The following MCM4 variants were observed in gnomAD, a reference collection of about 807,000 sequenced individuals.
MCM4 encodes the protein DNA replication licensing factor MCM4.
A neutral mutation model predicts 88.7 loss-of-function variants in MCM4; 60 were observed. The observed-to-expected ratio is 0.68, with a 90% CI of 0.55 to 0.84. The LOEUF is 0.84. Among genes scored for constraint, MCM4 ranks in the 40% least tolerant of loss-of-function variants. MCM4 has a pLI of 0.00. For missense variants in MCM4, 1,149 were observed against 1,105.5 expected, an observed-to-expected ratio of 1.04 and a Z score of -0.56; for synonymous variants, 465 against 410.5, an observed-to-expected ratio of 1.13 and a Z score of -1.61.
In MCM4 at chr8:47,961,170, G is replaced by T; in HGVS notation, c.26G>T (p.Ser9Ile). The T allele has an allele frequency of 6.4e-7, 1 of 1,551,458 alleles. No homozygotes were observed. ...ATGTCGTCCCCGGCGTCGACCCCGA[G>T]CCGCCGCGGCAGCCGGCGTGGAAGG... MSSPASTP[S>I]RRGSRRGRAT... Residue 9 changes from serine (S) to isoleucine (I), a missense_variant, in exon 2 of 17, where the codon AGC becomes ATC. Ser to Ile is a moderately radical substitution (Grantham distance 142). This residue lies in a region of MCM4 where 906 missense variants were observed against 843.0 expected (regional missense o/e 1.07). Transcript: ENST00000649973.
chr8:47,971,543 C>G (rs1344046013), intron 13 of MCM4, 75 bp downstream of exon 13: 10 of 1,474,524 alleles, frequency 6.8e-6, no homozygotes, highest in Non-Finnish European at 8.5e-6. Context: ...ACTAAGATTT[C>G]AGCAACTGCT....
intron 10 of MCM4, 90 bp from the exon 11 acceptor site, chr8:47,969,708 C>T (rs2090933475): frequency 1.5e-6 from 2 of 1,375,286 alleles, no homozygotes; most frequent in South Asian, 2.5e-5. Context: ...GTGCCTCGCT[C>T]TGAAGTGCAC....
intron 8 of MCM4, 99 bp downstream of exon 8, chr8:47,964,811 G>A: frequency 2.0e-6 from 2 of 1,020,810 alleles, no homozygotes; most frequent in Non-Finnish European, 1.4e-6. Context: ...GTAATTGGCG[G>A]TGGTAGTCAA....
At position 47,962,224 on chromosome 8, in the gene MCM4, T is replaced by C. The variant is rs1213463445; in HGVS notation, c.399+8T>C. On this transcript the variant is annotated splice_region_variant and intron_variant, in intron 4 of 16. Transcript: ENST00000649973. ...GATCTGCAGTCTGACGGGGTGAGTA[T>C]GCAGTCTCCTGAAACCATCTTATGG... 6.2e-7 allele frequency: 1 copy of C among 1,614,174 alleles called. No individual in the cohort carries two copies. Among genetic ancestry groups the C allele is most frequent in the Non-Finnish European group, 8.5e-7 (1 of 1,180,024 alleles).
chr8:47,961,582 G>A lies in MCM4; in HGVS notation c.137G>A (p.Gly46Glu). 3 of 1,614,192 alleles carry A rather than the reference G, an allele frequency of 1.9e-6. No individual in the cohort carries two copies. Among genetic ancestry groups the A allele is most frequent in the Non-Finnish European group, 2.5e-6 (3 of 1,180,036 alleles). ...AGAGGCGAGGATTCCACCTCCACGG[G>A]GGAGTTGCAGCCGATGCCAACCTCG... ...RRRGEDSTSTGELQPMPTSPG... is the reference protein window; with the variant it reads ...RRRGEDSTSTEELQPMPTSPG... The change falls in exon 3 of 17, where the codon GGG (glycine) becomes GAG (glutamate). Residue 46 changes from glycine (G) to glutamate (E), a missense_variant. Gly to Glu is a moderately conservative substitution (Grantham distance 98). This residue lies in a region of MCM4 where 906 missense variants were observed against 843.0 expected (regional missense o/e 1.07). Coordinates refer to ENST00000649973, the MANE Select transcript of MCM4 (RefSeq NM_182746.3).
chr8:47,971,232 A>G, intron 12 of MCM4, 109 bp from the exon 13 acceptor site: 1 of 1,317,538 alleles, frequency 7.6e-7, no homozygotes. Flanking sequence ...CTCAGGCAAT[A>G]GAAACTCAGT....
intron 14 of MCM4, chr8:47,974,408 C>T (rs1436480759): frequency 1.0e-5 from 3 of 295,790 alleles, no homozygotes; most frequent in Admixed American, 4.4e-5. Flanking sequence ...CTCCTCTCCC[C>T]ACATGCCACA....
At position 47,966,192 on chromosome 8, in the gene MCM4, G is replaced by T; in HGVS notation, c.838G>T (p.Asp280Tyr). 2 of 1,613,816 alleles carry T rather than the reference G, an allele frequency of 1.2e-6. No individual in the cohort carries two copies. Among genetic ancestry groups the T allele is most frequent in the South Asian group, 2.2e-5 (2 of 91,048 alleles). Reference sequence around the variant, plus strand: ...CCTCTCTTCTCCCCTCACAGACATTGACCAGCTCATCACCATCAGCGGCAT... The same window carrying T: ...CCTCTCTTCTCCCCTCACAGACATTTACCAGCTCATCACCATCAGCGGCAT... The part of the protein sequence containing the change: ...NMRNLNPEDI[D>Y]QLITISGMVI... Residue 280 changes from aspartate (D) to tyrosine (Y), a missense_variant, in exon 9 of 17, where the codon GAC becomes TAC. By Grantham distance (160) the Asp-to-Tyr change is radical (BLOSUM62 -3). Around this residue, in one of 3 missense-constraint regions of MCM4, gnomAD observed 906 missense variants for 843.0 expected, o/e 1.07. Transcript: ENST00000649973.
chr8:47,961,338 G>A (rs539355923), intron 2 of MCM4, 124 bp downstream of exon 2: 5 of 1,458,522 alleles, frequency 3.4e-6, no homozygotes, highest in Non-Finnish European at 4.5e-6. Flanking sequence ...GGGCGCTGCC[G>A]CTTGGTGCGC....
At chr8:47,976,006 A>G (rs1442410505) in intron 16 of MCM4, among the ~76,000 whole-genome samples, 158 bp downstream of exon 16, 3 of 152,198 alleles carry the variant, frequency 2.0e-5, no homozygotes, top group Non-Finnish European at 2.9e-5. Context: ...AATCACAATT[A>G]AAATTTTTGG....
chr8:47,961,031 G>A lies in MCM4; in HGVS notation c.-15+17G>A. On this transcript the variant is annotated intron_variant, in intron 1 of 16. Transcript: ENST00000649973. The stretch of plus-strand genomic sequence containing the variant: ...CTTTCCACGGTAACCGCGCGCCGGC[G>A]GGGAGGGCGTGGCGCGGAGCCGACG... The A allele has an allele frequency of 8.6e-7, 1 of 1,159,544 alleles. No homozygotes were observed. Among genetic ancestry groups the A allele is most frequent in the Admixed American group, 3.7e-5 (1 of 26,918 alleles). The allele number at this position is 1,159,544 out of a possible 1,614,324, so 71.8% of individuals were successfully genotyped here. A position where few individuals can be genotyped will look rare whatever the true frequency, so the allele number is the denominator to read the frequency against.
At chr8:47,974,581 G>C in intron 14 of MCM4, 153 bp from the exon 15 acceptor site, 3 of 669,098 alleles carry the variant, frequency 4.5e-6, no homozygotes, top group Non-Finnish European at 8.1e-6. Flanking sequence ...TGGTCTGTCT[G>C]TGTAGTCTCT....
At chr8:47,972,715 C>A (rs1363402060) in intron 13 of MCM4, 142 bp from the exon 14 acceptor site, 6 of 614,178 alleles carry the variant, frequency 9.8e-6, no homozygotes, top group African/African-American at 9.2e-5. Flanking sequence ...CACCACCACT[C>A]CTGGCTAATT....
At chr8:47,975,465 C>A (rs575236761) in intron 15 of MCM4, 6 of 264,408 alleles carry the variant, frequency 2.3e-5, no homozygotes, top group Admixed American at 1.1e-4. Context: ...GTTTTGTTAA[C>A]CCATTTTAGA....
At chr8:47,961,338 G>T in intron 2 of MCM4, 124 bp downstream of exon 2, 3 of 1,458,636 alleles carry the variant, frequency 2.1e-6, no homozygotes, top group Non-Finnish European at 2.7e-6. Context: ...GGGCGCTGCC[G>T]CTTGGTGCGC....
At chr8:47,970,982 G>A (rs1420466773) in intron 12 of MCM4, 106 bp downstream of exon 12, 1 of 1,354,160 alleles carries the variant, frequency 7.4e-7, no homozygotes, top group East Asian at 2.3e-5. Context: ...CTAACTTGGG[G>A]AGATTGATAA....
At position 47,961,111 on chromosome 8, in the gene MCM4, A is replaced by C. The variant is rs1443368942; in HGVS notation, c.-14-20A>C. 6.5e-7 allele frequency: 1 copy of C among 1,536,846 alleles called. No homozygotes were observed. Among genetic ancestry groups the C allele is most frequent in the Non-Finnish European group, 8.7e-7 (1 of 1,151,208 alleles). On this transcript the variant is annotated intron_variant, in intron 1 of 16. Transcript: ENST00000649973. ...GAAGCCGGGAGGCGGGCCCGGCCCG[A>C]GCTTGTCCTTGTCGCGCAGGTACTC...
chr8:47,961,913 G>A, intron 3 of MCM4, 140 bp from the exon 4 acceptor site: 1 of 926,394 alleles, frequency 1.1e-6, no homozygotes, highest in Non-Finnish European at 1.6e-6. Flanking sequence ...GAACATTTAA[G>A]AGTGCTCAGA....
chr8:47,974,597 T>C (rs899141534), intron 14 of MCM4, 137 bp from the exon 15 acceptor site: 13 of 705,698 alleles, frequency 1.8e-5, no homozygotes, highest in Middle Eastern at 4.1e-4. Context: ...TCTCTACCAC[T>C]TGATGAGCTC....
Sources: allele counts gnomAD v4.1 joint callset (sites outside exome capture counted in the v4.1 genomes callset), GRCh38; gene constraint gnomAD v4.1.1; regional missense constraint gnomAD v4.1.1; transcripts MANE v1.5; gene names NCBI Gene and HGNC (gene_info 2026-07-23, HGNC 2026-07-21).